The following PLEKHM1 variants were observed in gnomAD, a reference collection of about 807,000 sequenced individuals.
PLEKHM1 encodes the protein pleckstrin homology and RUN domain containing M1, also known as pleckstrin homology domain-containing family M member 1.
In PLEKHM1, 28 loss-of-function variants were observed where a neutral mutation model predicts 94.3. That is an observed-to-expected ratio of 0.30 (90% CI 0.22 to 0.41). The LOEUF (loss-of-function observed/expected upper bound fraction) is 0.41. Ranked by LOEUF, PLEKHM1 falls within the 10% of genes least tolerant of loss-of-function variation. The pLI is 1.00. For synonymous variants in PLEKHM1, 424 were observed against 581.2 expected, an observed-to-expected ratio of 0.73 and a Z score of 3.89; for missense variants, 907 against 1,358.6, an observed-to-expected ratio of 0.67 and a Z score of 5.22.
intron 1 of PLEKHM1, among the ~76,000 whole-genome samples, chr17:45,484,710 A>G (rs1417602473): frequency 6.6e-6 from 1 of 152,244 alleles, no homozygotes; most frequent in Non-Finnish European, 1.5e-5. Flanking sequence ...TTTTTCATCA[A>G]CAGTGCCATC....
Position 45,444,124 on chromosome 17 carries a change from G to A in PLEKHM1, c.2837+1346C>T, listed in dbSNP as rs574168376. On this transcript the variant is annotated intron_variant, in intron 9 of 11. Coordinates refer to ENST00000430334, the MANE Select transcript of PLEKHM1 (RefSeq NM_014798.3). This position sits in a 1 kb window ranked among gnomAD's most constrained non-coding sequence, Gnocchi z 5.0. ...CTCTGGGAGCACTGCAGCCAGGATG[G>A]AGGAGGCAGTCTTCAGAGAGGCGCT... Among the ~76,000 whole-genome samples, 1 of 152,296 alleles carries A rather than the reference G, an allele frequency of 6.6e-6. No individual in the cohort carries two copies. The highest frequency in any genetic ancestry group is 6.5e-5 in the Admixed American group (1 of 15,306).
chr17:45,478,365 G>C (rs1353120194), intron 2 of PLEKHM1, among the ~76,000 whole-genome samples: 2 of 152,194 alleles, frequency 1.3e-5, no homozygotes, highest in Non-Finnish European at 2.9e-5. Flanking sequence ...ACACTACCCA[G>C]AGATAATTAC....
rs2050366539 is a variant in PLEKHM1 at position 45,439,352 on chromosome 17, C to G, written c.3059+125G>C. 6.2e-6 allele frequency: 7 copies of G among 1,120,960 alleles called. No homozygotes were observed. In the East Asian group the frequency reaches 1.7e-4, roughly 28 times the overall value. 69.4% of individuals were successfully genotyped at this position (1,120,960 alleles called of 1,614,324 possible). A position where few individuals can be genotyped will look rare whatever the true frequency, so the allele number is the denominator to read the frequency against. Reference sequence around the variant, plus strand: ...ACAACTGCACCACCCCTTGGCACAGCACAAAGTGGATGTTCAATAAGTTCC... The same window carrying G: ...ACAACTGCACCACCCCTTGGCACAGGACAAAGTGGATGTTCAATAAGTTCC... On this transcript the variant is annotated intron_variant, in intron 11 of 11. Transcript: ENST00000430334.
chr17:45,465,397 AG>A (rs2051288124), intron 5 of PLEKHM1, among the ~76,000 whole-genome samples: 4 of 152,038 alleles, frequency 2.6e-5, no homozygotes, highest in Admixed American at 2.0e-4. Context: ...TCGGGAAAGA[AG>A]GAACAGCAAA....
intron 6 of PLEKHM1, 174 bp from the exon 7 acceptor site, chr17:45,454,446 C>T (rs2050882879): frequency 1.5e-6 from 1 of 670,736 alleles, no homozygotes; most frequent in Non-Finnish European, 2.7e-6. Flanking sequence ...TGGGAACATC[C>T]CCATTCTCAC....
chr17:45,475,539 C>T lies in PLEKHM1; in HGVS notation c.484G>A (p.Glu162Lys), dbSNP rs775661332. The T allele has an allele frequency of 5.0e-6, 8 of 1,611,824 alleles. No individual in the cohort carries two copies. The highest frequency in any genetic ancestry group is 1.3e-5 in the African/African-American group (1 of 74,974). The change falls in exon 4 of 12, where the codon GAG (glutamate) becomes AAG (lysine). Residue 162 changes from glutamate (E) to lysine (K), a missense_variant. By Grantham distance (56) the Glu-to-Lys change is moderately conservative (BLOSUM62 1). This residue lies in a region of PLEKHM1 where 176 missense variants were observed against 306.0 expected (regional missense o/e 0.58). Transcript: ENST00000430334. Reference protein sequence around the residue: ...TALLRDAEEGEFLLSFLQGLT... With the variant: ...TALLRDAEEGKFLLSFLQGLT... Reference sequence around the variant, plus strand: ...CCCTGCAGGAAGCTAAGGAGGAACTCGCCCTCCTCAGCATCCCGGAGCAGG... The same window carrying T: ...CCCTGCAGGAAGCTAAGGAGGAACTTGCCCTCCTCAGCATCCCGGAGCAGG...
chr17:45,482,115 GA>G (rs1017477632), intron 2 of PLEKHM1, among the ~76,000 whole-genome samples: 35 of 151,166 alleles, frequency 2.3e-4, no homozygotes, highest in African/African-American at 8.0e-4. Context: ...CAGTGCCTGG[GA>G]ATATCTGTTT....
At position 45,437,585 on chromosome 17, in the gene PLEKHM1, C is replaced by T. The variant is rs2050304993; in HGVS notation, c.*273G>A. The T allele has an allele frequency of 1.5e-6, 1 of 650,602 alleles. No homozygotes were observed. Among genetic ancestry groups the T allele is most frequent in the Non-Finnish European group, 2.8e-6 (1 of 353,852 alleles). 40.3% of individuals were successfully genotyped at this position (650,602 alleles called of 1,614,324 possible). ...GCGCCGGGACGCTGGTGAGCCAGGG[C>T]CTGGTGAGTAAACGGCCCTGCCTGC... On this transcript the variant is annotated 3_prime_UTR_variant, in exon 12 of 12. Transcript: ENST00000430334. This position sits in a 1 kb window ranked among gnomAD's most constrained non-coding sequence, Gnocchi z 4.0.
chr17:45,456,554 T>C (rs2050954704), intron 6 of PLEKHM1, among the ~76,000 whole-genome samples: 1 of 152,210 alleles, frequency 6.6e-6, no homozygotes, highest in African/African-American at 2.4e-5. Flanking sequence ...CCTGATGGCC[T>C]AGACCTGAAG....
rs1279510618 is a variant in PLEKHM1, at chr17:45,437,611, C to G, written c.*247G>C. ...CTGGTGAGTAAACGGCCCTGCCTGC[C>G]CCAGACAGGGAGCATCTGGTGGTGG... On this transcript the variant is annotated 3_prime_UTR_variant, in exon 12 of 12. Transcript: ENST00000430334. This position sits in a 1 kb window ranked among gnomAD's most constrained non-coding sequence, Gnocchi z 4.0. 1 of 666,790 alleles carries G rather than the reference C, an allele frequency of 1.5e-6. No individual in the cohort carries two copies. Among genetic ancestry groups the G allele is most frequent in the African/African-American group, 1.8e-5 (1 of 56,430 alleles). 41.3% of individuals were successfully genotyped at this position (666,790 alleles called of 1,614,324 possible).
chr17:45,484,557 CTGCCTGTAACTTG>C (rs2052051200), intron 1 of PLEKHM1, among the ~76,000 whole-genome samples: 1 of 152,212 alleles, frequency 6.6e-6, no homozygotes, highest in African/African-American at 2.4e-5. Flanking sequence ...CCTGTAACTT[CTGCCTGTAACTTG>C]GATAAAAATC....
chr17:45,450,151 A>C (rs1241419822), intron 8 of PLEKHM1, among the ~76,000 whole-genome samples: 2 of 150,762 alleles, frequency 1.3e-5, no homozygotes, highest in Non-Finnish European at 3.0e-5. Flanking sequence ...CCACCTGCTC[A>C]TTCACCTACC....
At position 45,437,029 on chromosome 17, in the gene PLEKHM1, C is replaced by T. The variant is rs769079775; in HGVS notation, c.*829G>A. The T allele has an allele frequency of 2.4e-5, 11 of 454,218 alleles. No individual in the cohort carries two copies. Among genetic ancestry groups the T allele is most frequent in the Admixed American group, 4.7e-5 (2 of 42,546 alleles). 28.1% of individuals were successfully genotyped at this position (454,218 alleles called of 1,614,324 possible). ...CGGGGATCGGGGGTGGGCAAGACGG[C>T]GACCCTCCATAAACCGAGGAGGGCT... On this transcript the variant is annotated 3_prime_UTR_variant, in exon 12 of 12. Transcript: ENST00000430334. The surrounding 1 kb of genome is among the most constrained non-coding windows in gnomAD (Gnocchi z 4.0).
chr17:45,477,434 A>C (rs899586017), intron 3 of PLEKHM1: 48 of 111,656 alleles, frequency 4.3e-4, no homozygotes, highest in South Asian at 3.9e-3. Context: ...ACTCCATCCC[A>C]AAAAAAAAAA....
At chr17:45,449,617 C>T (rs901002384) in intron 8 of PLEKHM1, among the ~76,000 whole-genome samples, 2 of 151,968 alleles carry the variant, frequency 1.3e-5, no homozygotes, top group South Asian at 2.1e-4. Flanking sequence ...CACCTAGCCA[C>T]CTGCTCATTC....
chr17:45,447,643 C>T (rs1248957684), intron 8 of PLEKHM1, among the ~76,000 whole-genome samples: 1 of 152,208 alleles, frequency 6.6e-6, no homozygotes, highest in African/African-American at 2.4e-5. Context: ...AGTGGGTCAG[C>T]CAGAACAGCA....
chr17:45,442,221 G>C (rs1388916969), intron 9 of PLEKHM1, among the ~76,000 whole-genome samples: 5 of 152,118 alleles, frequency 3.3e-5, no homozygotes, highest in Admixed American at 2.6e-4. Context: ...ACTAGTGCAG[G>C]ACAGCTCCTC....
intron 4 of PLEKHM1, among the ~76,000 whole-genome samples, chr17:45,469,945 C>G (rs1212266284): frequency 6.6e-6 from 1 of 151,944 alleles, no homozygotes; most frequent in Non-Finnish European, 1.5e-5. Flanking sequence ...TGGTGGCAGG[C>G]GCCTGTAATC....
intron 7 of PLEKHM1, among the ~76,000 whole-genome samples, chr17:45,451,899 C>T (rs1006647976): frequency 7.9e-5 from 12 of 152,350 alleles, no homozygotes; most frequent in Admixed American, 2.0e-4. Flanking sequence ...CTGGGGCAGG[C>T]GGGGGAGAGG....
Sources: allele counts gnomAD v4.1 joint callset (sites outside exome capture counted in the v4.1 genomes callset), GRCh38; gene constraint gnomAD v4.1.1; regional missense constraint gnomAD v4.1.1; non-coding constraint Gnocchi (gnomAD v3.1); transcripts MANE v1.5; gene names NCBI Gene and HGNC (gene_info 2026-07-23, HGNC 2026-07-21).